The following PRMT2 variants were observed in gnomAD, a reference collection of about 807,000 sequenced individuals.
PRMT2 encodes the protein protein arginine methyltransferase 2, also known as protein arginine N-methyltransferase 2.
PRMT2 carries 26 observed loss-of-function variants against 57.6 expected under a neutral mutation model. The observed-to-expected ratio is 0.45, with a 90% CI of 0.33 to 0.63. PRMT2 has a LOEUF of 0.63. Among genes scored for constraint, PRMT2 ranks in the 20% least tolerant of loss-of-function variants. The pLI is 0.02. For synonymous variants in PRMT2, 219 were observed against 220.0 expected (o/e 1.00, Z 0.04); for missense variants, 472 against 564.4 (o/e 0.84, Z 1.66).
intron 3 of PRMT2, among the ~76,000 whole-genome samples, chr21:46,638,826 A>G (rs1781172953): frequency 6.6e-6 from 1 of 152,056 alleles, no homozygotes; most frequent in Admixed American, 6.5e-5. Flanking sequence ...TTAGGGTTTT[A>G]TCAATTTTAT....
intron 5 of PRMT2, among the ~76,000 whole-genome samples, chr21:46,647,184 TTAAG>T (rs2061377259): frequency 6.6e-6 from 1 of 152,248 alleles, no homozygotes; most frequent in South Asian, 2.1e-4. Context: ...TTTCCATTTT[TTAAG>T]TAAGATTGAT....
At chr21:46,651,410 G>A (rs191836376) in intron 7 of PRMT2, among the ~76,000 whole-genome samples, 78 of 152,212 alleles carry the variant, frequency 5.1e-4, no homozygotes, top group Non-Finnish European at 2.4e-4. Context: ...CCGATGTGCA[G>A]GGCCAGCTAT....
intron 5 of PRMT2, among the ~76,000 whole-genome samples, chr21:46,645,690 G>T (rs1569153508): frequency 6.6e-6 from 1 of 151,980 alleles, no homozygotes; most frequent in Non-Finnish European, 1.5e-5. Flanking sequence ...AAAGTTAAGA[G>T]GCCATATTAG....
At chr21:46,652,199 T>C in intron 7 of PRMT2, 2 of 1,386,206 alleles carry the variant, frequency 1.4e-6, no homozygotes, top group South Asian at 3.6e-5. Flanking sequence ...AAGAGTTAAA[T>C]ATTTAAGAAA....
chr21:46,639,658 C>CTT (rs59630153), intron 3 of PRMT2, among the ~76,000 whole-genome samples: 4 of 130,346 alleles, frequency 3.1e-5, no homozygotes, highest in African/African-American at 5.4e-5. Flanking sequence ...GCTGTACCAG[C>CTT]TTTTTTTTTT....
chr21:46,644,281 T>C, intron 4 of PRMT2, 25 bp from the exon 5 acceptor site: 2 of 1,597,042 alleles, frequency 1.3e-6, no homozygotes, highest in Non-Finnish European at 1.7e-6. Context: ...GTTTTCTTAT[T>C]GAATTTTAAC....
intron 3 of PRMT2, among the ~76,000 whole-genome samples, chr21:46,641,747 G>A (rs573109885): frequency 1.3e-4 from 18 of 135,814 alleles, no homozygotes; most frequent in Admixed American, 1.5e-4. Context: ...GTGTGTGTGT[G>A]TATACGTGTA....
chr21:46,657,767 G>A (rs1032167996), intron 7 of PRMT2: 4 of 152,106 alleles, frequency 2.6e-5, no homozygotes, highest in East Asian at 1.9e-4. Flanking sequence ...GCTCAAGTTC[G>A]TAGGCTGTAC....
chr21:46,651,686 C>T (rs1198404626), intron 7 of PRMT2: 2 of 1,140,194 alleles, frequency 1.8e-6, no homozygotes, highest in Admixed American at 2.0e-5. Flanking sequence ...GCAGACGGGG[C>T]TGCAAGAGTT....
intron 3 of PRMT2, among the ~76,000 whole-genome samples, chr21:46,639,886 G>A (rs7510435): frequency 0.057 from 8,721 of 152,110 alleles, 325 homozygotes; most frequent in Non-Finnish European, 0.081. Context: ...ATGTTATGAC[G>A]AATGTGATGA....
intron 7 of PRMT2, among the ~76,000 whole-genome samples, chr21:46,655,938 T>C (rs886906056): frequency 6.6e-6 from 1 of 152,188 alleles, no homozygotes; most frequent in Non-Finnish European, 1.5e-5. Flanking sequence ...GATAAGCTCA[T>C]TATGAAATGT....
intron 7 of PRMT2, chr21:46,652,359 G>A: frequency 9.0e-7 from 1 of 1,107,404 alleles, no homozygotes; most frequent in Non-Finnish European, 1.1e-6. Context: ...CTATTAAATG[G>A]TAAATGCAAC....
Position 46,644,427 on chromosome 21 carries a change from A to G in PRMT2, c.266A>G (p.Asp89Gly). 1 of 1,612,874 alleles carries G rather than the reference A, an allele frequency of 6.2e-7. No homozygotes were observed. The highest frequency in any genetic ancestry group is 1.3e-5 in the African/African-American group (1 of 74,950). ...IPANHVGKHV[D>G]EYDPEDTWQD... ...GCAAACCATGTGGGGAAGCACGTGG[A>G]TGAGTACGACCCCGAGGACACGTGG... is the stretch of plus-strand genomic sequence containing the variant. The change falls in exon 5 of 12, where the codon GAT becomes GGT. Residue 89 changes from aspartate to glycine, a missense_variant. By Grantham distance (94) the Asp-to-Gly change is moderately conservative. Around this residue, in one of 2 missense-constraint regions of PRMT2, gnomAD observed 243 missense variants for 347.2 expected, o/e 0.70. Coordinates refer to ENST00000355680, the MANE Select transcript of PRMT2 (RefSeq NM_206962.4).
Position 46,659,188 on chromosome 21 carries a change from C to T in PRMT2, c.830+268C>T, listed in dbSNP as rs377541861. 23 of 1,184,880 alleles carry T rather than the reference C, an allele frequency of 1.9e-5. No individual in the cohort carries two copies. The African/African-American group carries it at 3.1e-4, about 16-fold the overall frequency. The allele number at this position is 1,184,880 out of a possible 1,614,324, so 73.4% of individuals were successfully genotyped here. ...CATTACGATTAGGAGGGAGTGAGGG[C>T]CAAGTCAGCAAATTATTCTGGAGCA... On this transcript the variant is annotated intron_variant, in intron 8 of 11. Coordinates refer to ENST00000355680, the MANE Select transcript of PRMT2 (RefSeq NM_206962.4).
chr21:46,660,839 A>G lies in PRMT2; in HGVS notation c.837A>G (p.Leu279=). Reference sequence around the variant, plus strand: ...CTTTGACCTTTTCCCCTAGATCTTTAGCAGTTAAGGAGTTTTTTTCAAAGC... The same window carrying G: ...CTTTGACCTTTTCCCCTAGATCTTTGGCAGTTAAGGAGTTTTTTTCAAAGC... The part of the protein sequence containing the change: ...YEFNLSALKS[L]AVKEFFSKPK... Residue 279 remains leucine (L), a synonymous_variant, in exon 9 of 12, where the codon TTA becomes TTG. Coordinates refer to ENST00000355680, the MANE Select transcript of PRMT2 (RefSeq NM_206962.4). 1 of 1,613,754 alleles carries G rather than the reference A, an allele frequency of 6.2e-7. No individual in the cohort carries two copies. The highest frequency in any genetic ancestry group is 8.5e-7 in the Non-Finnish European group (1 of 1,179,868).
At chr21:46,661,685 C>T (rs2061624840) in intron 9 of PRMT2, 115 bp from the exon 10 acceptor site, 6 of 1,114,472 alleles carry the variant, frequency 5.4e-6, no homozygotes, top group African/African-American at 1.6e-5. Context: ...GGGGGCTTTT[C>T]TACGGTTCCT....
intron 7 of PRMT2, among the ~76,000 whole-genome samples, chr21:46,654,358 T>A (rs771124504): frequency 2.0e-5 from 3 of 152,208 alleles, no homozygotes; most frequent in Non-Finnish European, 4.4e-5. Flanking sequence ...ACAGTATGAT[T>A]CCAATTTTGT....
chr21:46,645,703 G>A (rs1601926847), intron 5 of PRMT2, among the ~76,000 whole-genome samples: 3 of 151,886 alleles, frequency 2.0e-5, no homozygotes, highest in Middle Eastern at 3.4e-3. Flanking sequence ...CATATTAGAA[G>A]GTTTTTTGTT....
chr21:46,662,455 G>A (rs181579587), intron 10 of PRMT2, among the ~76,000 whole-genome samples: 1 of 152,198 alleles, frequency 6.6e-6, no homozygotes, highest in African/African-American at 2.4e-5. Flanking sequence ...GTGGCCCCGC[G>A]AGGGGACCCC....
Sources: gnomAD v4.1 joint callset for allele counts (sites outside exome capture counted in the v4.1 genomes callset) on GRCh38, gnomAD v4.1.1 for gene constraint, gnomAD v4.1.1 regional missense constraint, MANE v1.5 for transcripts, NCBI Gene and HGNC (gene_info 2026-07-23, HGNC 2026-07-21) for gene names.